CTNNA3: variants seen among roughly 807,000 people sequenced by gnomAD.
CTNNA3 encodes catenin alpha 3.
A neutral mutation model predicts 95.7 loss-of-function variants in CTNNA3; 76 were observed. The ratio of observed to expected loss-of-function variants is 0.79; its 90% CI spans 0.66 to 0.96. The LOEUF is 0.96. Ranked by LOEUF, CTNNA3 falls within the 40% of genes least tolerant of loss-of-function variation. CTNNA3 has a pLI of 0.00. For synonymous variants in CTNNA3, 431 were observed against 374.4 expected, an observed-to-expected ratio of 1.15 and a Z score of -1.74; for missense variants, 1,191 against 1,089.8, an observed-to-expected ratio of 1.09 and a Z score of -1.31.
rs983271620 is a variant in CTNNA3, at chr10:66,336,570, G to A, written c.1732+42582C>T. ...TAACATCCCACAAGAATTTCCCAGT[G>A]GCCCACAATAGTCTTTCTTCACACA... On this transcript the variant is annotated intron_variant, in intron 12 of 17. Transcript: ENST00000433211. Among the ~76,000 whole-genome samples the A allele has an allele frequency of 2.0e-5, 3 of 152,008 alleles. No homozygotes were observed. The East Asian group carries it at 5.8e-4, about 29-fold the overall frequency.
intron 13 of CTNNA3, among the ~76,000 whole-genome samples, chr10:66,207,891 A>T (rs2087865051): frequency 6.6e-6 from 1 of 151,892 alleles, no homozygotes; most frequent in African/African-American, 2.4e-5. Context: ...TCACATTAAT[A>T]AAAAAAATAT....
intron 5 of CTNNA3, among the ~76,000 whole-genome samples, chr10:67,291,186 G>A (rs1839825222): frequency 6.6e-6 from 1 of 152,112 alleles, no homozygotes; most frequent in Non-Finnish European, 1.5e-5. Flanking sequence ...AGGAGAAAAT[G>A]AAATAACATA....
In CTNNA3 at chr10:66,976,052, CAGTT is replaced by C. The variant is rs1423697405; in HGVS notation, c.1048-200532_1048-200529del. Reference sequence around the variant, plus strand: ...CTGTATAAAAGGCCCAATAATAGGTCAGTTAGTCCACAAAATTTTGTTGAATACT... The same window carrying C: ...CTGTATAAAAGGCCCAATAATAGGTCAGTCCACAAAATTTTGTTGAATACT... On this transcript the variant is annotated intron_variant, in intron 7 of 17. Transcript: ENST00000433211. 6.6e-5 allele frequency among the ~76,000 whole-genome samples: 10 copies of C among 152,236 alleles called. No homozygotes were observed. In the East Asian group the frequency reaches 1.9e-3, roughly 29 times the overall value.
chr10:66,503,739 T>C (rs1174514020), intron 11 of CTNNA3, among the ~76,000 whole-genome samples: 1 of 152,142 alleles, frequency 6.6e-6, no homozygotes, highest in Non-Finnish European at 1.5e-5. Flanking sequence ...AGTGCTAGGA[T>C]TACAGGAGTG....
At chr10:66,404,812 A>G (rs904901700) in intron 11 of CTNNA3, among the ~76,000 whole-genome samples, 1 of 150,520 alleles carries the variant, frequency 6.6e-6, no homozygotes, top group African/African-American at 2.5e-5. Flanking sequence ...TATCATTAGT[A>G]TTAGTGTATT....
At chr10:66,417,199 T>C (rs944058341) in intron 11 of CTNNA3, among the ~76,000 whole-genome samples, 1 of 151,958 alleles carries the variant, frequency 6.6e-6, no homozygotes, top group African/African-American at 2.4e-5. Flanking sequence ...TAGAAAAAGA[T>C]ATTTAACTCT....
intron 9 of CTNNA3, among the ~76,000 whole-genome samples, chr10:66,747,036 T>C (rs888449129): frequency 2.0e-5 from 3 of 152,144 alleles, no homozygotes; most frequent in African/African-American, 7.2e-5. Flanking sequence ...ATCAATATAA[T>C]GGAGATTAAA....
chr10:66,396,662 A>C (rs1210805706), intron 11 of CTNNA3, among the ~76,000 whole-genome samples: 2 of 151,980 alleles, frequency 1.3e-5, no homozygotes, highest in Admixed American at 6.6e-5. Context: ...GGATGGGTAG[A>C]GTTAGATCAG....
chr10:66,902,649 A>G (rs1203091058), intron 7 of CTNNA3, among the ~76,000 whole-genome samples: 1 of 152,190 alleles, frequency 6.6e-6, no homozygotes, highest in Admixed American at 6.5e-5. Context: ...ACAAATAAAG[A>G]AGAAAAGAGA....
At chr10:67,392,010 C>G (rs1177955734) in intron 5 of CTNNA3, among the ~76,000 whole-genome samples, 2 of 151,750 alleles carry the variant, frequency 1.3e-5, no homozygotes, top group African/African-American at 2.4e-5. Context: ...GACTTCATGT[C>G]TAAAACACCA....
chr10:67,504,963 G>T (rs1391480402), intron 5 of CTNNA3, among the ~76,000 whole-genome samples: 1 of 152,134 alleles, frequency 6.6e-6, no homozygotes, highest in East Asian at 1.9e-4. Flanking sequence ...AAATGAATTT[G>T]ATCTTAACTA....
chr10:66,608,575 A>G (rs1308650595), intron 10 of CTNNA3, among the ~76,000 whole-genome samples: 1 of 151,944 alleles, frequency 6.6e-6, no homozygotes, highest in Non-Finnish European at 1.5e-5. Flanking sequence ...AAAAAACAGC[A>G]CACCAAAATA....
chr10:67,278,048 C>T (rs542501143), intron 5 of CTNNA3, among the ~76,000 whole-genome samples: 3 of 152,260 alleles, frequency 2.0e-5, no homozygotes, highest in Admixed American at 2.0e-4. Flanking sequence ...ACTTTATGGA[C>T]TCGCCCTGAA....
chr10:67,152,884 C>T (rs1293871440), intron 7 of CTNNA3, among the ~76,000 whole-genome samples: 5 of 152,196 alleles, frequency 3.3e-5, no homozygotes, highest in East Asian at 1.9e-4. Context: ...ATGAAACTAA[C>T]GTTTATTACA....
chr10:67,008,080 G>GT (rs200784412), intron 7 of CTNNA3, among the ~76,000 whole-genome samples: 120 of 148,640 alleles, frequency 8.1e-4, no homozygotes, highest in Admixed American at 8.0e-4. Flanking sequence ...CTTTTTTCTT[G>GT]TTTTTTTTTA....
chr10:67,298,489 A>G (rs1840133059), intron 5 of CTNNA3, among the ~76,000 whole-genome samples: 2 of 152,214 alleles, frequency 1.3e-5, no homozygotes, highest in African/African-American at 2.4e-5. Context: ...ACACTCCAAC[A>G]TGCATATATC....
At chr10:66,245,348 C>A (rs537093773) in intron 13 of CTNNA3, among the ~76,000 whole-genome samples, 1 of 152,320 alleles carries the variant, frequency 6.6e-6, no homozygotes, top group African/African-American at 2.4e-5. Flanking sequence ...ACTCTGGGAG[C>A]TCCCAGGTCT....
At chr10:66,020,668 A>ATTT (rs10687414) in intron 15 of CTNNA3, among the ~76,000 whole-genome samples, 12,152 of 136,598 alleles carry the variant, frequency 0.089, 735 homozygotes, top group Non-Finnish European at 0.11. Flanking sequence ...GATGATCTGA[A>ATTT]TTTTTTTTTT....
intron 13 of CTNNA3, among the ~76,000 whole-genome samples, chr10:66,130,067 C>T (rs2083015534): frequency 6.6e-6 from 1 of 152,154 alleles, no homozygotes; most frequent in African/African-American, 2.4e-5. Context: ...ACACTGCCAT[C>T]AGTGCTAAAC....
Sources: gnomAD v4.1 joint callset for allele counts (sites outside exome capture counted in the v4.1 genomes callset) on GRCh38, gnomAD v4.1.1 for gene constraint, MANE v1.5 for transcripts, NCBI Gene and HGNC (gene_info 2026-07-23, HGNC 2026-07-21) for gene names.